TSPAN4: variants seen among roughly 807,000 people sequenced by gnomAD.
TSPAN4 encodes tetraspanin 4.
TSPAN4 carries 38 observed loss-of-function variants against 31.5 expected under a neutral mutation model. That is an observed-to-expected ratio of 1.21 (90% CI 0.93 to 1.58). The LOEUF (loss-of-function observed/expected upper bound fraction) is 1.58. TSPAN4 is among the 40% of genes most tolerant of loss of function. The probability of loss-of-function intolerance (pLI) is 0.00; values close to 1 mark genes in which losing one functional copy is unlikely to be tolerated. For synonymous variants in TSPAN4, 186 were observed against 144.6 expected (o/e 1.29, Z -2.06); for missense variants, 330 against 317.3 (o/e 1.04, Z -0.30).
In TSPAN4 at chr11:865,920, G is replaced by T; in HGVS notation, c.567G>T (p.Pro189=). ...LHAPGTWWKA[P]CYETVKVWLQ... ...ACGCATGACATCCCTCCCTGCAGCC[G>T]TGCTACGAGACGGTGAAGGTGTGGC... The change falls in exon 8 of 9, where the codon CCG becomes CCT. Residue 189 remains proline (P), a splice_region_variant and synonymous_variant. Transcript: ENST00000397397. The T allele has an allele frequency of 6.2e-7, 1 of 1,613,172 alleles. No homozygotes were observed. Among genetic ancestry groups the T allele is most frequent in the Non-Finnish European group, 8.5e-7 (1 of 1,179,972 alleles).
chr11:862,992 C>T (rs1425855083), intron 4 of TSPAN4: 3 of 485,680 alleles, frequency 6.2e-6, no homozygotes, highest in Non-Finnish European at 1.1e-5. Context: ...TGTCAGGGGC[C>T]TCCCCTGACG....
chr11:860,407 C>T (rs537346546), intron 3 of TSPAN4, among the ~76,000 whole-genome samples: 32 of 152,350 alleles, frequency 2.1e-4, no homozygotes, highest in African/African-American at 7.0e-4. Context: ...AAAAGGGTGG[C>T]GGCCTCCAAC....
At chr11:855,763 C>T (rs1409744637) in intron 3 of TSPAN4, among the ~76,000 whole-genome samples, 1 of 152,242 alleles carries the variant, frequency 6.6e-6, no homozygotes, top group Non-Finnish European at 1.5e-5. Flanking sequence ...TGGAAACCAG[C>T]ATCCCAGCCA....
chr11:844,282 C>G (rs1847160397), intron 1 of TSPAN4: 1 of 152,012 alleles, frequency 6.6e-6, no homozygotes, highest in South Asian at 2.1e-4. Context: ...CAGGGCCTGT[C>G]CCGCCCCTGT....
At chr11:861,303 T>A (rs1336221748) in intron 3 of TSPAN4, among the ~76,000 whole-genome samples, 1 of 152,226 alleles carries the variant, frequency 6.6e-6, no homozygotes, top group African/African-American at 2.4e-5. Context: ...TTCCCACCAG[T>A]GCCCATGTGG....
At chr11:863,339 G>A (rs1848581918) in intron 4 of TSPAN4, 1 of 152,302 alleles carries the variant, frequency 6.6e-6, no homozygotes, top group Admixed American at 6.5e-5. Flanking sequence ...GAGGCCGTGG[G>A]CCCTGCGGAG....
intron 4 of TSPAN4, 134 bp from the exon 5 acceptor site, chr11:864,303 G>A: frequency 1.8e-6 from 2 of 1,101,510 alleles, no homozygotes; most frequent in Admixed American, 3.7e-5. Context: ...TGGGCTCTCT[G>A]GGAGTGGGGG....
rs1301616995 is a variant in TSPAN4, at chr11:864,655, G to A, written c.330+144G>A. 4.9e-6 allele frequency: 5 copies of A among 1,014,208 alleles called. No individual in the cohort carries two copies. The African/African-American group carries it at 8.0e-5, about 16-fold the overall frequency. 62.8% of individuals were successfully genotyped at this position (1,014,208 alleles called of 1,614,324 possible). ...AGGACAGCGGGTGTGGATTTACCAGGCCTGGAGGGGCAGCGCCAGCGACCC... is the reference window on the plus strand; with the variant it reads ...AGGACAGCGGGTGTGGATTTACCAGACCTGGAGGGGCAGCGCCAGCGACCC... On this transcript the variant is annotated intron_variant, in intron 5 of 8. Coordinates refer to ENST00000397397, the MANE Select transcript of TSPAN4 (RefSeq NM_003271.5).
chr11:847,506 G>A (rs987342184), intron 2 of TSPAN4, among the ~76,000 whole-genome samples: 2 of 152,074 alleles, frequency 1.3e-5, no homozygotes, highest in Non-Finnish European at 1.5e-5. Flanking sequence ...GACCCTCCCC[G>A]ACTGAGCTCT....
chr11:843,034 A>G (rs897098066), intron 1 of TSPAN4, 119 bp downstream of exon 1: 1 of 144,576 alleles, frequency 6.9e-6, no homozygotes, highest in Non-Finnish European at 1.5e-5. Flanking sequence ...CAGAGCCGAC[A>G]CGCAGCAACA....
chr11:864,524 T>C lies in TSPAN4; in HGVS notation c.330+13T>C, dbSNP rs1379980663. On this transcript the variant is annotated intron_variant, in intron 5 of 8. Coordinates refer to ENST00000397397, the MANE Select transcript of TSPAN4 (RefSeq NM_003271.5). ...CTACACGGACAAGGTACGGCTGCCT[T>C]GGCCGCAGGCCCAACTGCAGGGCTG... 1 of 1,611,350 alleles carries C rather than the reference T, an allele frequency of 6.2e-7. No individual in the cohort carries two copies. The highest frequency in any genetic ancestry group is 1.7e-5 in the Admixed American group (1 of 60,018).
chr11:850,856 G>A (rs1309277192), intron 3 of TSPAN4, among the ~76,000 whole-genome samples: 1 of 152,278 alleles, frequency 6.6e-6, no homozygotes, highest in Non-Finnish European at 1.5e-5. Flanking sequence ...TCACTTCCGA[G>A]GGTTTGAGCC....
At chr11:856,690 C>T (rs1848062623) in intron 3 of TSPAN4, among the ~76,000 whole-genome samples, 1 of 152,228 alleles carries the variant, frequency 6.6e-6, no homozygotes, top group Non-Finnish European at 1.5e-5. Flanking sequence ...CGCAGGCTGC[C>T]AGCCACACCC....
intron 3 of TSPAN4, among the ~76,000 whole-genome samples, chr11:858,931 C>T (rs1342720016): frequency 7.1e-5 from 10 of 140,042 alleles, no homozygotes; most frequent in South Asian, 2.4e-4. Context: ...CACGCACCCC[C>T]GGGCTCACAC....
At chr11:859,138 G>A (rs1357811001) in intron 3 of TSPAN4, among the ~76,000 whole-genome samples, 2 of 81,208 alleles carry the variant, frequency 2.5e-5, no homozygotes, top group African/African-American at 1.0e-4. Context: ...ACGCACCCCT[G>A]GGCTCACATG....
chr11:852,734 G>A (rs538544691), intron 3 of TSPAN4, among the ~76,000 whole-genome samples: 2 of 152,354 alleles, frequency 1.3e-5, no homozygotes, highest in South Asian at 2.1e-4. Context: ...CTGTTGTCGG[G>A]GCTTTTGCCG....
intron 2 of TSPAN4, among the ~76,000 whole-genome samples, chr11:849,503 C>T (rs892421706): frequency 2.0e-5 from 3 of 152,104 alleles, no homozygotes; most frequent in Non-Finnish European, 4.4e-5. Flanking sequence ...GGCGAGGTAC[C>T]GTGGGGGGAA....
At chr11:843,565 G>A (rs993248539) in intron 1 of TSPAN4, 6 of 152,282 alleles carry the variant, frequency 3.9e-5, no homozygotes, top group Non-Finnish European at 5.9e-5. Context: ...GCTTGCCCTG[G>A]AGCTCAGGGC....
chr11:853,371 C>T (rs372976717), intron 3 of TSPAN4, among the ~76,000 whole-genome samples: 4 of 152,308 alleles, frequency 2.6e-5, no homozygotes, highest in South Asian at 2.1e-4. Context: ...AGGCCTGAGC[C>T]CCCCTCCACA....
Sources: gnomAD v4.1 joint callset for allele counts (sites outside exome capture counted in the v4.1 genomes callset) on GRCh38, gnomAD v4.1.1 for gene constraint, MANE v1.5 for transcripts, NCBI Gene and HGNC (gene_info 2026-07-23, HGNC 2026-07-21) for gene names.